The following ADAM22 variants were observed in gnomAD, a reference collection of about 807,000 sequenced individuals.
ADAM22 encodes the protein ADAM metallopeptidase domain 22.
A neutral mutation model predicts 144.6 loss-of-function variants in ADAM22; 65 were observed. That is an observed-to-expected ratio of 0.45 (90% confidence interval 0.37 to 0.55). The LOEUF (loss-of-function observed/expected upper bound fraction) is 0.55, where lower values mean the gene tolerates loss of function less well. ADAM22 is among the 20% of genes least tolerant of loss of function. The pLI is 0.00. For missense variants in ADAM22, 974 were observed against 1,184.9 expected, an observed-to-expected ratio of 0.82 and a Z score of 2.61; for synonymous variants, 391 against 412.6, an observed-to-expected ratio of 0.95 and a Z score of 0.63.
chr7:88,000,145 A>G (rs1057503905), intron 3 of ADAM22, among the ~76,000 whole-genome samples: 2 of 152,188 alleles, frequency 1.3e-5, no homozygotes, highest in South Asian at 4.1e-4. Flanking sequence ...TATTCTTTAG[A>G]TATCTAGTTT....
At chr7:87,990,139 A>G (rs1789449232) in intron 3 of ADAM22, among the ~76,000 whole-genome samples, 1 of 152,084 alleles carries the variant, frequency 6.6e-6, no homozygotes, top group South Asian at 2.1e-4. Context: ...TTGGGGTGAT[A>G]GATACAAAAA....
intron 3 of ADAM22, among the ~76,000 whole-genome samples, chr7:88,028,918 A>G (rs1799620948): frequency 6.6e-6 from 1 of 152,146 alleles, no homozygotes; most frequent in South Asian, 2.1e-4. Context: ...TATATGTCTT[A>G]TAGACAATAG....
At chr7:87,993,541 T>C (rs886127317) in intron 3 of ADAM22, among the ~76,000 whole-genome samples, 17 of 152,204 alleles carry the variant, frequency 1.1e-4, no homozygotes, top group African/African-American at 7.2e-5. Flanking sequence ...CCTGAACTTA[T>C]AGCTTCCTTC....
intron 8 of ADAM22, among the ~76,000 whole-genome samples, chr7:88,126,429 T>C (rs1018661943): frequency 6.6e-6 from 1 of 152,044 alleles, no homozygotes; most frequent in African/African-American, 2.4e-5. Context: ...ACCAGGTATC[T>C]TCTTTTTATT....
At chr7:87,994,867 G>C (rs538073135) in intron 3 of ADAM22, among the ~76,000 whole-genome samples, 1 of 151,456 alleles carries the variant, frequency 6.6e-6, no homozygotes, top group South Asian at 2.1e-4. Flanking sequence ...TTGCTCTGTC[G>C]CCCAGGCTGG....
At chr7:88,040,026 C>G (rs1312668335) in intron 3 of ADAM22, among the ~76,000 whole-genome samples, 2 of 152,036 alleles carry the variant, frequency 1.3e-5, no homozygotes, top group Non-Finnish European at 2.9e-5. Flanking sequence ...ATTTGCTAAG[C>G]CTGACCTCTT....
chr7:87,957,402 G>T (rs1303807871), intron 2 of ADAM22, among the ~76,000 whole-genome samples: 1 of 151,980 alleles, frequency 6.6e-6, no homozygotes, highest in Non-Finnish European at 1.5e-5. Flanking sequence ...TAATGTAATG[G>T]ACACCCTTGT....
intron 22 of ADAM22, among the ~76,000 whole-genome samples, chr7:88,159,159 T>C (rs1274326442): frequency 6.6e-6 from 1 of 152,004 alleles, no homozygotes; most frequent in East Asian, 1.9e-4. Context: ...CTAGAAGAGA[T>C]GGATAAATGC....
intron 8 of ADAM22, among the ~76,000 whole-genome samples, 199 bp from the exon 9 acceptor site, chr7:88,128,403 C>CT (rs1227662970): frequency 6.6e-6 from 1 of 151,950 alleles, no homozygotes; most frequent in African/African-American, 2.4e-5. Flanking sequence ...ATCTTCTGCC[C>CT]TTTTATACTT....
chr7:88,161,193 G>GA (rs34723283), intron 22 of ADAM22, among the ~76,000 whole-genome samples: 42,076 of 136,710 alleles, frequency 0.31, 7,968 homozygotes, highest in East Asian at 0.55. Context: ...AACATATTTG[G>GA]AAAAAAAAAA....
rs1346661183 is a variant in ADAM22, at chr7:88,088,707, G to A, written c.390+13015G>A. ...CATGTCACCTCTTCTAGATTTCCCCGCAAGGACCATACTTCTCAATACTTG... is the reference window on the plus strand; with the variant it reads ...CATGTCACCTCTTCTAGATTTCCCCACAAGGACCATACTTCTCAATACTTG... On this transcript the variant is annotated intron_variant, in intron 4 of 31. Coordinates refer to ENST00000413139, the MANE Select transcript of ADAM22 (RefSeq NM_001324418.2). Among the ~76,000 whole-genome samples the A allele has an allele frequency of 5.3e-5, 8 of 152,182 alleles. No homozygotes were observed. In the South Asian group the frequency reaches 1.5e-3, roughly 28 times the overall value.
chr7:88,045,597 G>C (rs927392270), intron 3 of ADAM22, among the ~76,000 whole-genome samples: 2 of 152,166 alleles, frequency 1.3e-5, no homozygotes, highest in Middle Eastern at 3.4e-3. Context: ...ACTAACTGTA[G>C]TTACCACAGT....
chr7:88,001,812 A>G lies in ADAM22; in HGVS notation c.323+23400A>G, dbSNP rs751432789. ...TGAGAACTAGCAAGGTGAGACAAGCAGGAGCAAGCATACTGGAAGTTTCTA... is the reference window on the plus strand; with the variant it reads ...TGAGAACTAGCAAGGTGAGACAAGCGGGAGCAAGCATACTGGAAGTTTCTA... On this transcript the variant is annotated intron_variant, in intron 3 of 31. Transcript: ENST00000413139. Among the ~76,000 whole-genome samples, 22 of 151,844 alleles carry G rather than the reference A, an allele frequency of 1.4e-4. 1 individual carries two copies. Among genetic ancestry groups the G allele is most frequent in the Non-Finnish European group, 2.4e-4 (16 of 68,008 alleles).
chr7:88,137,846 C>G (rs1586075692), intron 14 of ADAM22, among the ~76,000 whole-genome samples: 1 of 152,094 alleles, frequency 6.6e-6, no homozygotes, highest in Non-Finnish European at 1.5e-5. Flanking sequence ...AATATATATG[C>G]AAACATCTGT....
chr7:88,152,466 C>G (rs1838719622), intron 20 of ADAM22, among the ~76,000 whole-genome samples: 1 of 152,074 alleles, frequency 6.6e-6, no homozygotes, highest in South Asian at 2.1e-4. Flanking sequence ...TTGATAGCTG[C>G]TAAGAAGTGG....
At chr7:88,159,798 T>A (rs1317447282) in intron 22 of ADAM22, among the ~76,000 whole-genome samples, 1 of 152,158 alleles carries the variant, frequency 6.6e-6, no homozygotes, top group African/African-American at 2.4e-5. Context: ...GCCAACATCA[T>A]ACTGAATAGG....
intron 3 of ADAM22, among the ~76,000 whole-genome samples, chr7:88,075,266 T>C (rs1814015138): frequency 1.3e-5 from 2 of 152,212 alleles, no homozygotes; most frequent in Non-Finnish European, 2.9e-5. Flanking sequence ...TAAGGCATAA[T>C]ATACAATTAA....
chr7:88,113,706 A>AAATAAATAAATATG (rs1554478762), intron 5 of ADAM22, among the ~76,000 whole-genome samples: 12 of 68,978 alleles, frequency 1.7e-4, no homozygotes, highest in African/African-American at 7.2e-4. Context: ...ATAAATAAAT[A>AAATAAATAAATATG]TATATATATA....
At chr7:88,063,242 A>C (rs1810362065) in intron 3 of ADAM22, among the ~76,000 whole-genome samples, 1 of 152,208 alleles carries the variant, frequency 6.6e-6, no homozygotes, top group African/African-American at 2.4e-5. Flanking sequence ...TCAAAGAGAT[A>C]ACTACTGCAT....
Sources: allele counts gnomAD v4.1 joint callset (sites outside exome capture counted in the v4.1 genomes callset), GRCh38; gene constraint gnomAD v4.1.1; transcripts MANE v1.5; gene names NCBI Gene and HGNC (gene_info 2026-07-23, HGNC 2026-07-21).